The following CNOT2 variants were observed in gnomAD, a reference collection of about 807,000 sequenced individuals.
CNOT2 encodes the protein CC chemokine receptor 4-negative regulator of transcription 2.
Under a neutral mutation model 72.1 loss-of-function variants are expected in CNOT2, and 7 were observed. That is an observed-to-expected ratio of 0.10 (90% CI 0.06 to 0.18). The LOEUF is 0.18. Ranked by LOEUF, CNOT2 falls within the 10% of genes least tolerant of loss-of-function variation. CNOT2 has a pLI of 1.00. For synonymous variants in CNOT2, 196 were observed against 225.6 expected, an observed-to-expected ratio of 0.87 and a Z score of 1.17; for missense variants, 345 against 660.3, an observed-to-expected ratio of 0.52 and a Z score of 5.23.
intron 1 of CNOT2, among the ~76,000 whole-genome samples, chr12:70,245,051 T>A (rs1427279076): frequency 6.6e-6 from 1 of 152,224 alleles, no homozygotes; most frequent in Non-Finnish European, 1.5e-5. Context: ...CAAACGTCAA[T>A]GAATAAATCT....
At chr12:70,308,584 T>TCTCTCTCTCTCTCTCTCTCTCACA (rs550679130) in intron 2 of CNOT2, among the ~76,000 whole-genome samples, 12 of 133,328 alleles carry the variant, frequency 9.0e-5, no homozygotes, top group African/African-American at 3.4e-4. Flanking sequence ...TCTCTCTCTC[T>TCTCTCTCTCTCTCTCTCTCTCACA]CACACACACA....
At chr12:70,333,606 A>G (rs1207628829) in intron 7 of CNOT2, among the ~76,000 whole-genome samples, 1 of 151,962 alleles carries the variant, frequency 6.6e-6, no homozygotes, top group Non-Finnish European at 1.5e-5. Flanking sequence ...AAGGTAAAAG[A>G]ATGCTCACTG....
At chr12:70,346,355 A>G (rs1565837085) in intron 15 of CNOT2, 31 bp downstream of exon 15, 1 of 1,580,928 alleles carries the variant, frequency 6.3e-7, no homozygotes. Context: ...AAATGTATAA[A>G]TCTAAACTTG....
Position 70,291,920 on chromosome 12 carries a change from G to C in CNOT2, c.48+13646G>C, listed in dbSNP as rs1871979290. 3.9e-5 allele frequency among the ~76,000 whole-genome samples: 6 copies of C among 152,200 alleles called. No homozygotes were observed. In the South Asian group the frequency reaches 1.2e-3, roughly 32 times the overall value. On this transcript the variant is annotated intron_variant, in intron 2 of 15. Coordinates refer to ENST00000229195, the MANE Select transcript of CNOT2 (RefSeq NM_014515.7). The stretch of plus-strand genomic sequence containing the variant: ...CCACTGCACTCCAGTCTGGGCGACA[G>C]AGTGAGACTCCGTCTCAAAAAAACA...
intron 1 of CNOT2, among the ~76,000 whole-genome samples, chr12:70,255,011 A>G (rs987288979): frequency 4.0e-5 from 6 of 151,746 alleles, no homozygotes; most frequent in Non-Finnish European, 7.4e-5. Context: ...AGAAGAAGAA[A>G]AAAAGAAAAC....
At chr12:70,270,937 A>G (rs1054307125) in intron 1 of CNOT2, among the ~76,000 whole-genome samples, 4 of 152,224 alleles carry the variant, frequency 2.6e-5, no homozygotes, top group African/African-American at 9.6e-5. Context: ...GTTCTTTACA[A>G]ATTGCTAAAG....
intron 2 of CNOT2, among the ~76,000 whole-genome samples, chr12:70,283,534 AT>A (rs1247535413): frequency 6.6e-5 from 10 of 151,346 alleles, no homozygotes; most frequent in African/African-American, 1.7e-4. Flanking sequence ...ATACTTAACA[AT>A]TGAAAAGTTG....
chr12:70,326,832 G>C (rs781466336), intron 4 of CNOT2, among the ~76,000 whole-genome samples: 1 of 151,720 alleles, frequency 6.6e-6, no homozygotes, highest in Non-Finnish European at 1.5e-5. Context: ...TTTATTAGCT[G>C]TTTTTGTGAA....
At chr12:70,255,095 C>T (rs938256401) in intron 1 of CNOT2, among the ~76,000 whole-genome samples, 5 of 151,750 alleles carry the variant, frequency 3.3e-5, no homozygotes, top group Admixed American at 2.0e-4. Flanking sequence ...CTATGTTCAT[C>T]GGAGCAGGCC....
In CNOT2 at chr12:70,264,857, C is replaced by A. The variant is rs112426477; in HGVS notation, c.-95-13275C>A. ...GATTATTTAAAATAAAATAGTTTTT[C>A]GTTTGCTGTATTCCCTTAGAACACT... On this transcript the variant is annotated intron_variant, in intron 1 of 15. Transcript: ENST00000229195. Among the ~76,000 whole-genome samples the A allele has an allele frequency of 4.8e-3, 724 of 152,146 alleles. 6 individuals are homozygous for A. Among genetic ancestry groups the A allele is most frequent in the African/African-American group, 0.016 (649 of 41,514 alleles).
At chr12:70,350,640 C>A (rs1593299311) in intron 15 of CNOT2, among the ~76,000 whole-genome samples, 1 of 152,152 alleles carries the variant, frequency 6.6e-6, no homozygotes, top group East Asian at 1.9e-4. Flanking sequence ...ACCTTATTTT[C>A]TGCACAAAAT....
chr12:70,257,764 C>T (rs1026883057), intron 1 of CNOT2, among the ~76,000 whole-genome samples: 4 of 152,136 alleles, frequency 2.6e-5, no homozygotes, highest in African/African-American at 9.7e-5. Flanking sequence ...ACCACTAGAT[C>T]ATGAGTAGGG....
At position 70,291,612 on chromosome 12, in the gene CNOT2, A is replaced by C. The variant is rs572702498; in HGVS notation, c.48+13338A>C. 4.1e-4 allele frequency among the ~76,000 whole-genome samples: 62 copies of C among 152,328 alleles called. 1 individual carries two copies. Among genetic ancestry groups the C allele is most frequent in the African/African-American group, 1.5e-3 (61 of 41,578 alleles). ...TTGCTTTGTTAAAGCATTTCCATTAAATAGAGAAGGAAAGTAGAAAATTAC... is the reference window on the plus strand; with the variant it reads ...TTGCTTTGTTAAAGCATTTCCATTACATAGAGAAGGAAAGTAGAAAATTAC... On this transcript the variant is annotated intron_variant, in intron 2 of 15. Coordinates refer to ENST00000229195, the MANE Select transcript of CNOT2 (RefSeq NM_014515.7).
At chr12:70,346,434 A>T in intron 15 of CNOT2, 110 bp downstream of exon 15, 1 of 825,078 alleles carries the variant, frequency 1.2e-6, no homozygotes, top group Non-Finnish European at 1.9e-6. Context: ...TGTGCCACAT[A>T]TTTGCCAACT....
intron 1 of CNOT2, among the ~76,000 whole-genome samples, chr12:70,277,051 T>G (rs1331018995): frequency 6.6e-6 from 1 of 152,112 alleles, no homozygotes; most frequent in Non-Finnish European, 1.5e-5. Context: ...TTAATAATTC[T>G]AATTCACTCT....
chr12:70,353,722 T>C (rs1482846801), intron 15 of CNOT2, 107 bp from the exon 16 acceptor site: 2 of 1,490,576 alleles, frequency 1.3e-6, no homozygotes, highest in African/African-American at 2.9e-5. Context: ...GTGTTGATGT[T>C]GATTCATATA....
intron 2 of CNOT2, among the ~76,000 whole-genome samples, chr12:70,291,399 A>G (rs1260650909): frequency 6.6e-6 from 1 of 152,212 alleles, no homozygotes; most frequent in Non-Finnish European, 1.5e-5. Flanking sequence ...TTTTACACCT[A>G]TTCTTTTCTA....
chr12:70,326,122 A>C (rs962865238), intron 4 of CNOT2, among the ~76,000 whole-genome samples: 2 of 151,886 alleles, frequency 1.3e-5, no homozygotes, highest in African/African-American at 2.4e-5. Flanking sequence ...GAATCTATTT[A>C]GAATGTGTTC....
intron 2 of CNOT2, chr12:70,285,598 GTTTT>G (rs1297780168): frequency 2.1e-5 from 3 of 144,486 alleles, no homozygotes; most frequent in Admixed American, 7.0e-5. Context: ...TTAGTTTTTT[GTTTT>G]TTTTTTTAAA....
Sources: gnomAD v4.1 joint callset for allele counts (sites outside exome capture counted in the v4.1 genomes callset) on GRCh38, gnomAD v4.1.1 for gene constraint, MANE v1.5 for transcripts, NCBI Gene and HGNC (gene_info 2026-07-23, HGNC 2026-07-21) for gene names.